The following TAFAZZIN variants were observed in gnomAD, a reference collection of about 807,000 sequenced individuals.
The protein encoded by TAFAZZIN is tafazzin, phospholipid-lysophospholipid transacylase.
Under a neutral mutation model 27.3 loss-of-function variants are expected in TAFAZZIN, and 6 were observed. The observed-to-expected ratio is 0.22, with a 90% CI of 0.12 to 0.43. TAFAZZIN has a LOEUF of 0.43. TAFAZZIN is among the 20% of genes least tolerant of loss of function. TAFAZZIN has a pLI of 1.00. For missense variants in TAFAZZIN, 127 were observed against 244.5 expected, an observed-to-expected ratio of 0.52 and a Z score of 3.21; for synonymous variants, 79 against 96.2, an observed-to-expected ratio of 0.82 and a Z score of 1.04.
intron 7 of TAFAZZIN, 135 bp from the exon 8 acceptor site, chrX:154,419,897 T>C: frequency 4.6e-6 from 5 of 1,085,988 alleles, no homozygotes; most frequent in Non-Finnish European, 6.4e-6. Context: ...AGACTAGGCC[T>C]GCCTCTCGCA....
chrX:154,416,574 G>A (rs1336620722), intron 5 of TAFAZZIN, among the ~76,000 whole-genome samples: 4 of 112,258 alleles, frequency 3.6e-5, no homozygotes, highest in East Asian at 2.8e-4. Context: ...CAAGTGTCAC[G>A]TTGGAGAACC....
Position 154,421,042 on chromosome X carries a change from G to A in TAFAZZIN, c.*38G>A. The stretch of plus-strand genomic sequence containing the variant: ...GCCTTCTGGATTCTTGGCCCGCACA[G>A]AGCTGGGGCTGAGGGATGGACTGAT... On this transcript the variant is annotated 3_prime_UTR_variant, in exon 11 of 11. Transcript: ENST00000601016. The A allele has an allele frequency of 1.8e-6, 2 of 1,140,305 alleles. No homozygotes were observed. The highest frequency in any genetic ancestry group is 3.5e-5 in the African/African-American group (2 of 56,546). The allele number at this position is 1,140,305 out of a possible 1,213,427, so 94.0% of individuals were successfully genotyped here. A position where few individuals can be genotyped will look rare whatever the true frequency, so the allele number is the denominator to read the frequency against.
Position 154,411,722 on chromosome X carries a change from CCCGT to C in TAFAZZIN, c.-113_-110del, listed in dbSNP as rs1555939876. On this transcript the variant is annotated 5_prime_UTR_variant, in exon 1 of 11. Transcript: ENST00000601016. Reference sequence around the variant, plus strand: ...GTCCAGTCCCCTGTTGCGCCGCGCCCCCGTCCGTCCGTGCGCGGGCCAGTCAGGG... The same window carrying C: ...GTCCAGTCCCCTGTTGCGCCGCGCCCCCGTCCGTGCGCGGGCCAGTCAGGG... 3 of 676,163 alleles carry C rather than the reference CCCGT, an allele frequency of 4.4e-6. No individual in the cohort carries two copies. The highest frequency in any genetic ancestry group is 2.7e-5 in the Admixed American group (1 of 36,693). The allele number at this position is 676,163 out of a possible 1,213,427, so 55.7% of individuals were successfully genotyped here. A position where few individuals can be genotyped will look rare whatever the true frequency, so the allele number is the denominator to read the frequency against.
intron 5 of TAFAZZIN, among the ~76,000 whole-genome samples, chrX:154,414,790 A>G (rs1480758885): frequency 9.1e-6 from 1 of 109,445 alleles, no homozygotes; most frequent in Non-Finnish European, 1.9e-5. Context: ...GGAATTCGAG[A>G]CCAGCCTAAC....
At chrX:154,414,516 C>T (rs1184988936) in intron 5 of TAFAZZIN, among the ~76,000 whole-genome samples, 2 of 108,548 alleles carry the variant, frequency 1.8e-5, no homozygotes, top group Admixed American at 2.0e-4. Context: ...CACGGTGAAA[C>T]CCCGTCTCTA....
Position 154,412,100 on chromosome X carries a change from C to A in TAFAZZIN, c.124C>A (p.Leu42Met), listed in dbSNP as rs2068326989. 1 of 1,208,770 alleles carries A rather than the reference C, an allele frequency of 8.3e-7. No homozygotes were observed. The highest frequency in any genetic ancestry group is 1.1e-6 in the Non-Finnish European group (1 of 894,605). ...SCFWTKYMNH[L>M]TVHNREVLYE... is the part of the protein sequence containing the mutation. ...TTCCCCGCCAGAGTACATGAACCAC[C>A]TGACCGTGCACAACAGGGAGGTGCT... Residue 42 changes from leucine to methionine, a missense_variant, in exon 2 of 11, where the codon CTG becomes ATG. Physicochemically the swap from Leu to Met is conservative, Grantham distance 15. Coordinates refer to ENST00000601016, the MANE Select transcript of TAFAZZIN (RefSeq NM_000116.5).
chrX:154,420,588 C>G (rs1282382712), intron 9 of TAFAZZIN, 70 bp from the exon 10 acceptor site: 1 of 1,138,177 alleles, frequency 8.8e-7, no homozygotes, highest in East Asian at 3.0e-5. Flanking sequence ...GCTTCTGGCT[C>G]CCGGGTTGCT....
At position 154,420,797 on chromosome X, in the gene TAFAZZIN, G is replaced by A. The variant is rs41311704; in HGVS notation, c.777+62G>A. 7.4e-4 allele frequency: 881 copies of A among 1,189,721 alleles called. No individual in the cohort carries two copies. Among genetic ancestry groups the A allele is most frequent in the Non-Finnish European group, 8.9e-4 (781 of 877,193 alleles). ...GACCCCCTGCTGCTGGCTTCCAGCA[G>A]GGTGCCTCCACCCTCTCCATCCCGT... On this transcript the variant is annotated intron_variant, in intron 10 of 10. Transcript: ENST00000601016.
chrX:154,412,132 G>A lies in TAFAZZIN; in HGVS notation c.156G>A (p.Glu52=). ...LTVHNREVLY[E]LIEKRGPATP... is the part of the protein sequence containing the mutation. ...TGCACAACAGGGAGGTGCTGTACGA[G>A]CTCATCGAGAAGCGAGGCCCGGCCA... The change falls in exon 2 of 11, where the codon GAG becomes GAA. Residue 52 remains glutamate (E), a synonymous_variant. Transcript: ENST00000601016. The A allele has an allele frequency of 8.3e-7, 1 of 1,208,274 alleles. No individual in the cohort carries two copies. Among genetic ancestry groups the A allele is most frequent in the Non-Finnish European group, 1.1e-6 (1 of 893,821 alleles).
chrX:154,420,444 T>A (rs781892446), intron 9 of TAFAZZIN, among the ~76,000 whole-genome samples, 180 bp downstream of exon 9: 27 of 107,810 alleles, frequency 2.5e-4, no homozygotes, highest in African/African-American at 8.5e-4. Flanking sequence ...GCAGAGGAAG[T>A]CAGGCTGGGG....
In TAFAZZIN at chrX:154,415,722, A is replaced by T. The variant is rs782380186; in HGVS notation, c.460+1532A>T. On this transcript the variant is annotated intron_variant, in intron 5 of 10. Coordinates refer to ENST00000601016, the MANE Select transcript of TAFAZZIN (RefSeq NM_000116.5). ...ATGTGGCGAAACCCTGTCTACTAAAAATACAAAAATTAGCTGGATGTGGTG... is the reference window on the plus strand; with the variant it reads ...ATGTGGCGAAACCCTGTCTACTAAATATACAAAAATTAGCTGGATGTGGTG... Among the ~76,000 whole-genome samples, 4 of 106,097 alleles carry T rather than the reference A, an allele frequency of 3.8e-5. No individual in the cohort carries two copies. In the Admixed American group the frequency reaches 4.1e-4, roughly 11 times the overall value. 92.1% of individuals were successfully genotyped at this position (106,097 alleles called of 115,157 possible).
At chrX:154,413,398 C>T in intron 3 of TAFAZZIN, 84 bp from the exon 4 acceptor site, 1 of 1,208,940 alleles carries the variant, frequency 8.3e-7, no homozygotes, top group South Asian at 1.8e-5. Flanking sequence ...CTCCCCTGTG[C>T]CTCCCTTCTG....
chrX:154,416,434 CAA>C (rs1244460521), intron 5 of TAFAZZIN, among the ~76,000 whole-genome samples: 4 of 83,241 alleles, frequency 4.8e-5, no homozygotes, highest in Non-Finnish European at 4.8e-5. Flanking sequence ...GACTCCGTCT[CAA>C]AAAAAAAAAA....
chrX:154,412,106 G>C lies in TAFAZZIN; in HGVS notation c.130G>C (p.Val44Leu). The C allele has an allele frequency of 8.3e-7, 1 of 1,209,844 alleles. No homozygotes were observed. Among genetic ancestry groups the C allele is most frequent in the Non-Finnish European group, 1.1e-6 (1 of 894,653 alleles). Reference protein sequence around the residue: ...FWTKYMNHLTVHNREVLYELI... With the variant: ...FWTKYMNHLTLHNREVLYELI... ...GCCAGAGTACATGAACCACCTGACC[G>C]TGCACAACAGGGAGGTGCTGTACGA... Residue 44 changes from valine (V) to leucine (L), a missense_variant, in exon 2 of 11, where the codon GTG becomes CTG. Val to Leu is a conservative substitution (Grantham distance 32, BLOSUM62 1). Transcript: ENST00000601016.
Position 154,419,420 on chromosome X carries a change from A to G in TAFAZZIN, c.461-123A>G, listed in dbSNP as rs1162335593. ...CAGGGACTGAGGGGGATAGTCCCCA[A>G]CACATGGGCCCCAGGGAGAAGGGCC... On this transcript the variant is annotated intron_variant, in intron 5 of 10. Coordinates refer to ENST00000601016, the MANE Select transcript of TAFAZZIN (RefSeq NM_000116.5). 5.4e-6 allele frequency: 4 copies of G among 743,376 alleles called. No homozygotes were observed. In the African/African-American group the frequency reaches 8.4e-5, roughly 16 times the overall value. The allele number at this position is 743,376 out of a possible 1,213,427, so 61.3% of individuals were successfully genotyped here.
chrX:154,411,924 G>A lies in TAFAZZIN; in HGVS notation c.81G>A (p.Leu27=). 5.8e-6 allele frequency: 7 copies of A among 1,207,983 alleles called. No homozygotes were observed. Among genetic ancestry groups the A allele is most frequent in the South Asian group, 1.8e-5 (1 of 56,544 alleles). The change falls in exon 1 of 11, where the codon TTG becomes TTA. Residue 27 remains leucine, a synonymous_variant. Coordinates refer to ENST00000601016, the MANE Select transcript of TAFAZZIN (RefSeq NM_000116.5). ...WTLASSVVMG[L]VGTYSCFWTK... ...TGGCCAGCAGCGTCGTCATGGGCTT[G>A]GTGGGCACCTACAGCTGCTTCTGGA...
At chrX:154,414,431 G>A (rs1047782106) in intron 5 of TAFAZZIN, among the ~76,000 whole-genome samples, 6 of 112,818 alleles carry the variant, frequency 5.3e-5, no homozygotes, top group Non-Finnish European at 7.5e-5. Context: ...GGTGGCTCAC[G>A]CCTGTAATCC....
Position 154,413,246 on chromosome X carries a change from T to C in TAFAZZIN, c.278T>C (p.Met93Thr). The change falls in exon 3 of 11, where the codon ATG becomes ACG. Residue 93 changes from methionine to threonine, a missense_variant. By Grantham distance (81) the Met-to-Thr change is moderately conservative. Around this residue, in one of 3 missense-constraint regions of TAFAZZIN, gnomAD observed 79 missense variants for 188.7 expected, o/e 0.42. Coordinates refer to ENST00000601016, the MANE Select transcript of TAFAZZIN (RefSeq NM_000116.5). ...CGCCACATCTGGAACCTGAAGTTGATGCGTTGGTGAGGAGGAATGGGCCCC... is the reference window on the plus strand; with the variant it reads ...CGCCACATCTGGAACCTGAAGTTGACGCGTTGGTGAGGAGGAATGGGCCCC... ...KLRHIWNLKL[M>T]RWTPAAADIC... 1 of 1,211,779 alleles carries C rather than the reference T, an allele frequency of 8.3e-7. No homozygotes were observed. Among genetic ancestry groups the C allele is most frequent in the Non-Finnish European group, 1.1e-6 (1 of 895,418 alleles).
chrX:154,411,984 C>G lies in TAFAZZIN; in HGVS notation c.109+32C>G, dbSNP rs782713248. The G allele has an allele frequency of 2.3e-5, 28 of 1,199,078 alleles. No individual in the cohort carries two copies. The Admixed American group carries it at 3.1e-4, about 13-fold the overall frequency. ...GGGCCCAGGCCGAGGCAGGCCCGCCCGGGTACCCATGCCCGGCCGGAGGTG... is the reference window on the plus strand; with the variant it reads ...GGGCCCAGGCCGAGGCAGGCCCGCCGGGGTACCCATGCCCGGCCGGAGGTG... On this transcript the variant is annotated intron_variant, in intron 1 of 10. Coordinates refer to ENST00000601016, the MANE Select transcript of TAFAZZIN (RefSeq NM_000116.5).
Sources: allele counts gnomAD v4.1 joint callset (sites outside exome capture counted in the v4.1 genomes callset), GRCh38; gene constraint gnomAD v4.1.1; regional missense constraint gnomAD v4.1.1; transcripts MANE v1.5; gene names NCBI Gene and HGNC (gene_info 2026-07-23, HGNC 2026-07-21).